The following KIF18A variants were observed in gnomAD, a reference collection of about 807,000 sequenced individuals.
The protein encoded by KIF18A is kinesin-like protein KIF18A.
A neutral mutation model predicts 103.3 loss-of-function variants in KIF18A; 67 were observed. The observed-to-expected ratio is 0.65, with a 90% CI of 0.53 to 0.79. The LOEUF is 0.79. Ranked by LOEUF, KIF18A falls within the 30% of genes least tolerant of loss-of-function variation. The pLI is 0.00. For missense variants in KIF18A, 1,032 were observed against 1,062.5 expected, an observed-to-expected ratio of 0.97 and a Z score of 0.40; for synonymous variants, 367 against 355.5, an observed-to-expected ratio of 1.03 and a Z score of -0.36.
intron 1 of KIF18A, among the ~76,000 whole-genome samples, chr11:28,098,873 A>G (rs1248796039): frequency 2.0e-5 from 3 of 147,966 alleles, no homozygotes; most frequent in Non-Finnish European, 4.5e-5. Flanking sequence ...AACAACAACA[A>G]AAAGACAAAA....
At chr11:28,046,959 G>GA (rs1320976465) in intron 13 of KIF18A, among the ~76,000 whole-genome samples, 47 of 148,486 alleles carry the variant, frequency 3.2e-4, no homozygotes, top group Admixed American at 2.7e-3. Context: ...GAGGCTGAGG[G>GA]AGGAGAATCG....
intron 13 of KIF18A, among the ~76,000 whole-genome samples, chr11:28,047,768 A>G (rs1268110070): frequency 6.6e-6 from 1 of 152,194 alleles, no homozygotes; most frequent in Non-Finnish European, 1.5e-5. Context: ...AAAAATATGA[A>G]TAGGAGGCAA....
chr11:28,094,949 G>A (rs897942354), intron 2 of KIF18A, 149 bp from the exon 3 acceptor site: 11 of 721,972 alleles, frequency 1.5e-5, no homozygotes, highest in Non-Finnish European at 2.3e-5. Flanking sequence ...TTAAAACCTG[G>A]GAATGTTACC....
At chr11:28,065,052 C>T (rs568985690) in intron 11 of KIF18A, among the ~76,000 whole-genome samples, 3 of 152,056 alleles carry the variant, frequency 2.0e-5, no homozygotes, top group Non-Finnish European at 4.4e-5. Flanking sequence ...AGCAGAAGGA[C>T]CAAACGTAGC....
intron 14 of KIF18A, 79 bp downstream of exon 14, chr11:28,036,138 G>T: frequency 1.2e-6 from 1 of 853,684 alleles, no homozygotes; most frequent in Non-Finnish European, 1.7e-6. Context: ...TGGCACACTT[G>T]GTTTATGAAA....
chr11:28,030,477 T>C (rs1488105328), intron 15 of KIF18A, among the ~76,000 whole-genome samples: 46 of 151,738 alleles, frequency 3.0e-4, no homozygotes, highest in African/African-American at 1.1e-3. Context: ...TGGCTAGCCA[T>C]ATGTAGAAAG....
intron 15 of KIF18A, among the ~76,000 whole-genome samples, chr11:28,028,859 C>A (rs1005948269): frequency 9.2e-5 from 14 of 152,232 alleles, no homozygotes; most frequent in African/African-American, 3.4e-4. Context: ...CACCACCGAT[C>A]CCACAGAAAT....
In KIF18A at chr11:28,047,132, A is replaced by G. The variant is rs772233380; in HGVS notation, c.1949-10468T>C. ...TTTGTTATATATAATCATCCAGCATATATTCCAATAGAAAACAGAAAAATC... is the reference window on the plus strand; with the variant it reads ...TTTGTTATATATAATCATCCAGCATGTATTCCAATAGAAAACAGAAAAATC... On this transcript the variant is annotated intron_variant, in intron 13 of 16. Transcript: ENST00000263181. Among the ~76,000 whole-genome samples, 4 of 151,912 alleles carry G rather than the reference A, an allele frequency of 2.6e-5. No homozygotes were observed. In the South Asian group the frequency reaches 6.2e-4, roughly 24 times the overall value.
At chr11:28,080,348 G>GTTT (rs34970405) in intron 9 of KIF18A, among the ~76,000 whole-genome samples, 12 of 138,140 alleles carry the variant, frequency 8.7e-5, no homozygotes, top group African/African-American at 1.3e-4. Flanking sequence ...TGCAGACACT[G>GTTT]TTTTTTTTTT....
chr11:28,069,688 T>C (rs564872768), intron 10 of KIF18A, among the ~76,000 whole-genome samples: 1 of 152,070 alleles, frequency 6.6e-6, no homozygotes, highest in East Asian at 1.9e-4. Context: ...TCAAAGACTA[T>C]AACTTTTTTT....
At chr11:28,103,789 GACA>G (rs1484019616) in intron 1 of KIF18A, among the ~76,000 whole-genome samples, 1 of 151,926 alleles carries the variant, frequency 6.6e-6, no homozygotes, top group Non-Finnish European at 1.5e-5. Flanking sequence ...TACAATAGTT[GACA>G]ACAACAGGCA....
intron 15 of KIF18A, among the ~76,000 whole-genome samples, chr11:28,027,182 T>C (rs554636065): frequency 2.6e-5 from 4 of 151,788 alleles, no homozygotes; most frequent in Admixed American, 1.3e-4. Context: ...AGGTCTTCTA[T>C]AAACTTTTCT....
At chr11:28,064,141 T>C (rs1850888328) in intron 11 of KIF18A, among the ~76,000 whole-genome samples, 1 of 151,274 alleles carries the variant, frequency 6.6e-6, no homozygotes, top group South Asian at 2.1e-4. Flanking sequence ...AGAAATATAG[T>C]ATATTTATAT....
intron 12 of KIF18A, among the ~76,000 whole-genome samples, chr11:28,060,855 A>G (rs1456377728): frequency 6.6e-6 from 1 of 152,242 alleles, no homozygotes; most frequent in Non-Finnish European, 1.5e-5. Context: ...ATGGAACTCA[A>G]AAGAGCTTCC....
chr11:28,071,712 A>G (rs1230213717), intron 10 of KIF18A, among the ~76,000 whole-genome samples: 1 of 152,152 alleles, frequency 6.6e-6, no homozygotes, highest in Non-Finnish European at 1.5e-5. Context: ...AGCCACTGCT[A>G]TAACAGAAGG....
intron 13 of KIF18A, among the ~76,000 whole-genome samples, chr11:28,039,104 G>A (rs1444298729): frequency 6.6e-6 from 1 of 151,666 alleles, no homozygotes; most frequent in Non-Finnish European, 1.5e-5. Context: ...CTTAAGCAGT[G>A]TGGGCATTAA....
At chr11:28,057,804 C>T (rs1386022570) in intron 13 of KIF18A, among the ~76,000 whole-genome samples, 1 of 152,082 alleles carries the variant, frequency 6.6e-6, no homozygotes, top group East Asian at 1.9e-4. Flanking sequence ...AATTATGGTA[C>T]ATCTATTCTC....
chr11:28,069,134 T>G (rs11030204), intron 11 of KIF18A, 125 bp downstream of exon 11: 368,504 of 712,970 alleles, frequency 0.52, 99,431 homozygotes, highest in Admixed American at 0.58. Context: ...AAAAGTAAAT[T>G]AAATCTCAGA....
At chr11:28,040,774 T>C (rs1363670480) in intron 13 of KIF18A, among the ~76,000 whole-genome samples, 2 of 151,698 alleles carry the variant, frequency 1.3e-5, no homozygotes, top group Non-Finnish European at 2.9e-5. Flanking sequence ...TGGGTAGCAA[T>C]GTATGTTATG....
Sources: gnomAD v4.1 joint callset for allele counts (sites outside exome capture counted in the v4.1 genomes callset) on GRCh38, gnomAD v4.1.1 for gene constraint, MANE v1.5 for transcripts, NCBI Gene and HGNC (gene_info 2026-07-23, HGNC 2026-07-21) for gene names.